DTX4: variants seen among roughly 807,000 people sequenced by gnomAD.
DTX4 encodes the protein deltex E3 ubiquitin ligase 4, also known as E3 ubiquitin-protein ligase DTX4.
A neutral mutation model predicts 57.6 loss-of-function variants in DTX4; 28 were observed. The ratio of observed to expected loss-of-function variants is 0.49; its 90% confidence interval spans 0.36 to 0.67. The LOEUF is 0.67. DTX4 is among the 30% of genes least tolerant of loss of function. DTX4 has a pLI of 0.00. For missense variants in DTX4, 715 were observed against 836.8 expected, an observed-to-expected ratio of 0.85 and a Z score of 1.80; for synonymous variants, 316 against 331.0, an observed-to-expected ratio of 0.95 and a Z score of 0.49.
intron 2 of DTX4, among the ~76,000 whole-genome samples, chr11:59,187,481 G>T (rs2135518486): frequency 6.6e-6 from 1 of 152,354 alleles, no homozygotes; most frequent in South Asian, 2.1e-4. Context: ...TGTGTTCACT[G>T]CTGACCCCCA....
intron 3 of DTX4, 24 bp downstream of exon 3, chr11:59,188,820 T>C: frequency 6.2e-7 from 1 of 1,601,460 alleles, no homozygotes; most frequent in Non-Finnish European, 8.6e-7. Context: ...CAGGATGCTC[T>C]GGGTTAAGGT....
chr11:59,198,080 A>G (rs1285435952), intron 7 of DTX4, among the ~76,000 whole-genome samples: 1 of 152,228 alleles, frequency 6.6e-6, no homozygotes, highest in Non-Finnish European at 1.5e-5. Context: ...TCAAGTTTCC[A>G]GGGACCACAC....
chr11:59,193,846 G>C (rs1283617780), intron 6 of DTX4, among the ~76,000 whole-genome samples: 1 of 152,210 alleles, frequency 6.6e-6, no homozygotes, highest in East Asian at 1.9e-4. Context: ...GAGTAGACTG[G>C]AGAAGTCCCT....
chr11:59,188,859 T>C, intron 3 of DTX4, 63 bp downstream of exon 3: 1 of 1,426,614 alleles, frequency 7.0e-7, no homozygotes, highest in Non-Finnish European at 9.8e-7. Context: ...AAATAGGTCA[T>C]GAGCATTTGT....
At chr11:59,173,995 G>A (rs1862362978) in intron 1 of DTX4, among the ~76,000 whole-genome samples, 1 of 152,162 alleles carries the variant, frequency 6.6e-6, no homozygotes, top group African/African-American at 2.4e-5. Flanking sequence ...AGATGACTCG[G>A]AAAGGCCCTC....
At chr11:59,184,155 T>G (rs1343038761) in intron 2 of DTX4, among the ~76,000 whole-genome samples, 1 of 152,220 alleles carries the variant, frequency 6.6e-6, no homozygotes, top group Non-Finnish European at 1.5e-5. Flanking sequence ...ACCTTGCTGC[T>G]GCTTAATTTC....
At chr11:59,204,650 T>G in intron 8 of DTX4, 26 bp from the exon 9 acceptor site, 1 of 1,593,684 alleles carries the variant, frequency 6.3e-7, no homozygotes, top group Middle Eastern at 1.7e-4. Context: ...ATGTCTGCCT[T>G]TCATGTCCCA....
chr11:59,182,192 C>T lies in DTX4; in HGVS notation c.665C>T (p.Pro222Leu), dbSNP rs577423377. 28 of 1,612,054 alleles carry T rather than the reference C, an allele frequency of 1.7e-5. No homozygotes were observed. The highest frequency in any genetic ancestry group is 1.7e-4 in the Middle Eastern group (1 of 6,056). ...CTGCCAGTGACCCGCAAGAACATGC[C>T]GCCTCCTGGAGTGGTCAAGCTACCC... The part of the protein sequence containing the change: ...LQLPVTRKNM[P>L]PPGVVKLPPL... Residue 222 changes from proline to leucine, a missense_variant, in exon 2 of 9, where the codon CCG (proline) becomes CTG (leucine). By Grantham distance (98) the Pro-to-Leu change is moderately conservative (BLOSUM62 -3). Coordinates refer to ENST00000227451, the MANE Select transcript of DTX4 (RefSeq NM_015177.2).
Position 59,172,607 on chromosome 11 carries a change from C to T in DTX4, c.12C>T (p.Ala4=), listed in dbSNP as rs1221354673. 6.5e-7 allele frequency: 1 copy of T among 1,550,040 alleles called. No individual in the cohort carries two copies. The highest frequency in any genetic ancestry group is 8.6e-7 in the Non-Finnish European group (1 of 1,156,550). The change falls in exon 1 of 9, where the codon GCC becomes GCT. Residue 4 remains alanine (A), a synonymous_variant. Transcript: ENST00000227451. ...GCCCCGGGCTCGCCATGCTCCTGGC[C>T]TCGGCCGTGGTGGTCTGGGAATGGC... MLL[A]SAVVVWEWLN...
rs571331933 is a variant in DTX4, at chr11:59,182,331, G to A, written c.804G>A (p.Gly268=). Residue 268 remains glycine (G), a synonymous_variant, in exon 2 of 9, where the codon GGG becomes GGA. Coordinates refer to ENST00000227451, the MANE Select transcript of DTX4 (RefSeq NM_015177.2). The part of the protein sequence containing the change: ...IRRQASSMPT[G]TTMGSPASPP... ...GACAAGCCTCCAGCATGCCCACTGGGACAACCATGGGCTCTCCTGCCAGTC... is the reference window on the plus strand; with the variant it reads ...GACAAGCCTCCAGCATGCCCACTGGAACAACCATGGGCTCTCCTGCCAGTC... The A allele has an allele frequency of 6.2e-7, 1 of 1,612,966 alleles. No homozygotes were observed. Among genetic ancestry groups the A allele is most frequent in the African/African-American group, 1.3e-5 (1 of 75,042 alleles).
chr11:59,177,094 C>T (rs1171743174), intron 1 of DTX4, among the ~76,000 whole-genome samples: 5 of 152,192 alleles, frequency 3.3e-5, no homozygotes, highest in Non-Finnish European at 5.9e-5. Context: ...ACCACTTTCC[C>T]ATGGTCCAAA....
intron 8 of DTX4, 62 bp downstream of exon 8, chr11:59,199,835 T>C: frequency 7.2e-7 from 1 of 1,393,244 alleles, no homozygotes. Flanking sequence ...TTTACTTCTA[T>C]GTCAAGGCCT....
chr11:59,177,002 A>T (rs1194104901), intron 1 of DTX4, among the ~76,000 whole-genome samples: 1 of 151,978 alleles, frequency 6.6e-6, no homozygotes, highest in Non-Finnish European at 1.5e-5. Context: ...GCTATCTCTG[A>T]CTCTCTGTAG....
chr11:59,192,180 G>A lies in DTX4; in HGVS notation c.1304G>A (p.Gly435Glu). The change falls in exon 6 of 9, where the codon GGG (glycine) becomes GAG (glutamate). Residue 435 changes from glycine to glutamate, a missense_variant. Physicochemically the swap from Gly to Glu is moderately conservative, Grantham distance 98. Coordinates refer to ENST00000227451, the MANE Select transcript of DTX4 (RefSeq NM_015177.2). ...CCTACGGTAAAACCTGACCTGGTAG[G>A]GAAGCTGTCCAGATGCGGCCACGTC... The part of the protein sequence containing the change: ...PQPTVKPDLV[G>E]KLSRCGHVYH... The A allele has an allele frequency of 6.2e-7, 1 of 1,613,982 alleles. No individual in the cohort carries two copies. Among genetic ancestry groups the A allele is most frequent in the Non-Finnish European group, 8.5e-7 (1 of 1,179,892 alleles).
chr11:59,180,278 C>T (rs375428407), intron 1 of DTX4, among the ~76,000 whole-genome samples: 2 of 152,040 alleles, frequency 1.3e-5, no homozygotes, highest in African/African-American at 4.8e-5. Context: ...ACTATTGTCT[C>T]CCCCTCCCCT....
chr11:59,181,133 T>G (rs192193842), intron 1 of DTX4, among the ~76,000 whole-genome samples: 2 of 152,094 alleles, frequency 1.3e-5, no homozygotes, highest in African/African-American at 4.8e-5. Flanking sequence ...CCCTCAGTCC[T>G]CTAGGCTTCC....
intron 5 of DTX4, 134 bp downstream of exon 5, chr11:59,191,309 G>A: frequency 2.4e-6 from 2 of 844,022 alleles, no homozygotes; most frequent in Non-Finnish European, 3.6e-6. Context: ...GGTCAGAACT[G>A]ACACTGAGGG....
At chr11:59,186,407 C>T (rs546891509) in intron 2 of DTX4, among the ~76,000 whole-genome samples, 2 of 152,280 alleles carry the variant, frequency 1.3e-5, no homozygotes, top group South Asian at 2.1e-4. Context: ...AGTGGGGGCT[C>T]TGAAGATGGC....
At chr11:59,179,396 A>G (rs1189941312) in intron 1 of DTX4, among the ~76,000 whole-genome samples, 1 of 152,168 alleles carries the variant, frequency 6.6e-6, no homozygotes, top group Non-Finnish European at 1.5e-5. Flanking sequence ...CAGAGTGAGA[A>G]CTTCTGTTCC....
Sources: allele counts gnomAD v4.1 joint callset (sites outside exome capture counted in the v4.1 genomes callset), GRCh38; gene constraint gnomAD v4.1.1; transcripts MANE v1.5; gene names NCBI Gene and HGNC (gene_info 2026-07-23, HGNC 2026-07-21).